The following RNF157 variants were observed in gnomAD, a reference collection of about 807,000 sequenced individuals.
RNF157 encodes the protein ring finger protein 157.
In RNF157, 55 loss-of-function variants were observed where a neutral mutation model predicts 88.3. That is an observed-to-expected ratio of 0.62 (90% confidence interval 0.50 to 0.78). RNF157 has a LOEUF of 0.78. Ranked by LOEUF, RNF157 falls within the 30% of genes least tolerant of loss-of-function variation. The pLI is 0.00. For missense variants in RNF157, 788 were observed against 860.8 expected (o/e 0.92, Z 1.06); for synonymous variants, 334 against 341.2 (o/e 0.98, Z 0.23).
At chr17:76,197,018 A>G (rs1328523494) in intron 2 of RNF157, among the ~76,000 whole-genome samples, 1 of 152,186 alleles carries the variant, frequency 6.6e-6, no homozygotes, top group African/African-American at 2.4e-5. Flanking sequence ...TTTCACAAAG[A>G]TCTCCATCTC....
intron 2 of RNF157, among the ~76,000 whole-genome samples, chr17:76,183,763 TTTAA>T (rs1241908039): frequency 1.3e-5 from 2 of 152,192 alleles, no homozygotes; most frequent in East Asian, 1.9e-4. Context: ...TCTTCATTTG[TTTAA>T]TTATAAATTA....
Position 76,146,857 on chromosome 17 carries a change from G to A in RNF157, c.1922-1504C>T. 1.0e-6 allele frequency: 1 copy of A among 985,446 alleles called. No individual in the cohort carries two copies. 61.0% of individuals were successfully genotyped at this position (985,446 alleles called of 1,614,324 possible). A position where few individuals can be genotyped will look rare whatever the true frequency, so the allele number is the denominator to read the frequency against. ...GAGTGTGGCCGTGAGGTTGAGAGAG[G>A]CCACTCACAAGTGTCCAGGGTCAGC... On this transcript the variant is annotated intron_variant, in intron 18 of 18. Coordinates refer to ENST00000269391, the MANE Select transcript of RNF157 (RefSeq NM_052916.3). The surrounding 1 kb of genome is among the most constrained non-coding windows in gnomAD (Gnocchi z 4.2).
chr17:76,147,462 G>T, intron 18 of RNF157: 1 of 338,162 alleles, frequency 3.0e-6, no homozygotes, highest in Non-Finnish European at 4.2e-6. Context: ...CCAGAGAGCT[G>T]TCCTGACTCT....
chr17:76,162,403 C>T (rs368851236), intron 9 of RNF157, 149 bp downstream of exon 9: 12 of 674,426 alleles, frequency 1.8e-5, no homozygotes, highest in African/African-American at 3.7e-5. Flanking sequence ...GTGGTAAAAG[C>T]GTAATGATCT....
chr17:76,185,220 C>T (rs1447593557), intron 2 of RNF157, among the ~76,000 whole-genome samples: 1 of 152,202 alleles, frequency 6.6e-6, no homozygotes, highest in African/African-American at 2.4e-5. Flanking sequence ...ACCTACTTGA[C>T]TTCCAGGCCC....
intron 12 of RNF157, 45 bp from the exon 13 acceptor site, chr17:76,158,546 A>G (rs1337858041): frequency 7.2e-7 from 1 of 1,388,088 alleles, no homozygotes; most frequent in Non-Finnish European, 1.0e-6. Flanking sequence ...ACGTCCATTT[A>G]AAGAACAGAA....
At chr17:76,197,615 C>T (rs767880883) in intron 2 of RNF157, among the ~76,000 whole-genome samples, 3 of 152,172 alleles carry the variant, frequency 2.0e-5, no homozygotes, top group East Asian at 1.9e-4. Flanking sequence ...GGTACCCAGG[C>T]TTGGAGTGCA....
In RNF157 at chr17:76,157,258, G is replaced by A. The variant is rs181906291; in HGVS notation, c.1414-937C>T. Reference sequence around the variant, plus strand: ...CGGGATTCCAGGCGTGAGCCTCCGCGCCCGGCCAGTCACACAGTCCTTCTT... The same window carrying A: ...CGGGATTCCAGGCGTGAGCCTCCGCACCCGGCCAGTCACACAGTCCTTCTT... On this transcript the variant is annotated intron_variant, in intron 13 of 18. Coordinates refer to ENST00000269391, the MANE Select transcript of RNF157 (RefSeq NM_052916.3). The surrounding 1 kb of genome is among the most constrained non-coding windows in gnomAD (Gnocchi z 5.6). Among the ~76,000 whole-genome samples, 78 of 152,318 alleles carry A rather than the reference G, an allele frequency of 5.1e-4. No individual in the cohort carries two copies. The highest frequency in any genetic ancestry group is 1.3e-3 in the African/African-American group (53 of 41,566).
intron 8 of RNF157, chr17:76,163,190 C>CCT (rs761226500): frequency 3.3e-5 from 4 of 121,394 alleles, no homozygotes; most frequent in African/African-American, 1.3e-4. Flanking sequence ...GCCCTGTTTC[C>CCT]TTTTTTTTTT....
intron 2 of RNF157, among the ~76,000 whole-genome samples, chr17:76,209,465 T>C (rs1235312241): frequency 2.0e-5 from 3 of 150,488 alleles, no homozygotes; most frequent in Non-Finnish European, 4.4e-5. Flanking sequence ...TCTTAAAACA[T>C]TGTAAGATTT....
At chr17:76,183,364 T>A (rs539915164) in intron 2 of RNF157, among the ~76,000 whole-genome samples, 2 of 152,168 alleles carry the variant, frequency 1.3e-5, no homozygotes, top group South Asian at 4.1e-4. Flanking sequence ...CTGATGCAGG[T>A]AGGTTAGAGA....
rs1479498818 is a variant in RNF157 at position 76,155,636 on chromosome 17, G to A, written c.1624C>T (p.Pro542Ser). 6 of 1,613,998 alleles carry A rather than the reference G, an allele frequency of 3.7e-6. No homozygotes were observed. Among genetic ancestry groups the A allele is most frequent in the Non-Finnish European group, 5.1e-6 (6 of 1,179,990 alleles). Reference protein sequence around the residue: ...VSSMSGSYIAPGTEEEGEALS... With the variant: ...VSSMSGSYIASGTEEEGEALS... ...GCCTCTCCCTCCTCTTCAGTGCCAGGGGCGATGTAGGAGCCAGACATGGAG... is the reference window on the plus strand; with the variant it reads ...GCCTCTCCCTCCTCTTCAGTGCCAGAGGCGATGTAGGAGCCAGACATGGAG... Residue 542 changes from proline to serine, a missense_variant, in exon 15 of 19, where the codon CCT becomes TCT. By Grantham distance (74) the Pro-to-Ser change is moderately conservative. Coordinates refer to ENST00000269391, the MANE Select transcript of RNF157 (RefSeq NM_052916.3).
chr17:76,237,547 T>C (rs928607390), intron 1 of RNF157, among the ~76,000 whole-genome samples: 4 of 152,224 alleles, frequency 2.6e-5, no homozygotes, highest in African/African-American at 9.6e-5. Flanking sequence ...TCCATAATCA[T>C]GGAATGATTG....
chr17:76,171,990 G>A (rs1364340296), intron 3 of RNF157, among the ~76,000 whole-genome samples: 1 of 152,214 alleles, frequency 6.6e-6, no homozygotes, highest in Non-Finnish European at 1.5e-5. Flanking sequence ...GCTGGCAATG[G>A]CAGGCCCCAG....
intron 1 of RNF157, among the ~76,000 whole-genome samples, chr17:76,227,132 T>TTG (rs1345442333): frequency 2.6e-5 from 4 of 151,262 alleles, no homozygotes; most frequent in African/African-American, 9.7e-5. Flanking sequence ...TTTTTTTTTT[T>TTG]GAGACGGGAG....
chr17:76,159,894 T>C (rs1189482763), intron 11 of RNF157, among the ~76,000 whole-genome samples: 1 of 152,208 alleles, frequency 6.6e-6, no homozygotes, highest in Non-Finnish European at 1.5e-5. Flanking sequence ...CATTCTGGTG[T>C]CTCTTCTTCC....
chr17:76,162,408 T>C, intron 9 of RNF157, 144 bp downstream of exon 9: 6 of 680,482 alleles, frequency 8.8e-6, no homozygotes, highest in Non-Finnish European at 1.5e-5. Flanking sequence ...AAAAGCGTAA[T>C]GATCTGAAAT....
chr17:76,221,782 T>C (rs946657698), intron 1 of RNF157, among the ~76,000 whole-genome samples: 6 of 152,108 alleles, frequency 3.9e-5, no homozygotes, highest in African/African-American at 7.2e-5. Context: ...GTAAACAAAA[T>C]GTGAGGTATA....
intron 18 of RNF157, among the ~76,000 whole-genome samples, chr17:76,149,693 T>C (rs2068643304): frequency 6.6e-6 from 1 of 151,376 alleles, no homozygotes; most frequent in Non-Finnish European, 1.5e-5. Flanking sequence ...CAACCAGAGG[T>C]TTTGAGACAT....
Sources: allele counts gnomAD v4.1 joint callset (sites outside exome capture counted in the v4.1 genomes callset), GRCh38; gene constraint gnomAD v4.1.1; non-coding constraint Gnocchi (gnomAD v3.1); transcripts MANE v1.5; gene names NCBI Gene and HGNC (gene_info 2026-07-23, HGNC 2026-07-21).